MYH13: variants seen among roughly 807,000 people sequenced by gnomAD.
The protein encoded by MYH13 is myosin heavy chain 13, also known as myosin-13.
A neutral mutation model predicts 232.1 loss-of-function variants in MYH13; 177 were observed. That is an observed-to-expected ratio of 0.76 (90% CI 0.67 to 0.86). MYH13 has a LOEUF of 0.86. MYH13 is among the 40% of genes least tolerant of loss of function. The pLI, the probability that MYH13 is intolerant of heterozygous loss-of-function variation, is 0.00. For missense variants in MYH13, 2,246 were observed against 2,405.9 expected (o/e 0.93, Z 1.39); for synonymous variants, 884 against 923.5 (o/e 0.96, Z 0.78).
At chr17:10,335,172 GAC>G (rs950864273) in intron 18 of MYH13, among the ~76,000 whole-genome samples, 1 of 152,154 alleles carries the variant, frequency 6.6e-6, no homozygotes, top group African/African-American at 2.4e-5. Context: ...AGAATTCCAC[GAC>G]TGACCTCATG....
At chr17:10,349,084 CT>C (rs1288483858) in intron 12 of MYH13, among the ~76,000 whole-genome samples, 11 of 112,996 alleles carry the variant, frequency 9.7e-5, no homozygotes, top group African/African-American at 3.3e-4. Flanking sequence ...CCTTCTCCCC[CT>C]CTCTCTCTCT....
chr17:10,364,910 C>A (rs2142150321), intron 2 of MYH13, among the ~76,000 whole-genome samples: 1 of 152,080 alleles, frequency 6.6e-6, no homozygotes, highest in African/African-American at 2.4e-5. Context: ...AGTTTTGCTC[C>A]TGTCACCCAG....
At chr17:10,368,838 C>T (rs1352880456) in intron 2 of MYH13, among the ~76,000 whole-genome samples, 2 of 152,186 alleles carry the variant, frequency 1.3e-5, no homozygotes, top group East Asian at 3.8e-4. Context: ...TGTAGCTTGA[C>T]TTAGCGTTAA....
At chr17:10,309,208 C>T in intron 35 of MYH13, 26 bp downstream of exon 35, 1 of 1,606,510 alleles carries the variant, frequency 6.2e-7, no homozygotes, top group Non-Finnish European at 8.5e-7. Context: ...GGTGGACCTT[C>T]AGCGGAGGAG....
In MYH13 at chr17:10,304,445, T is replaced by C. The variant is rs73977111; in HGVS notation, c.5467-947A>G. Among the ~76,000 whole-genome samples the C allele has an allele frequency of 0.087, 13,234 of 152,300 alleles. 754 individuals carry two copies. Among genetic ancestry groups the C allele is most frequent in the East Asian group, 0.3 (1,543 of 5,168 alleles). On this transcript the variant is annotated intron_variant, in intron 37 of 40. Coordinates refer to ENST00000252172, the MANE Select transcript of MYH13 (RefSeq NM_003802.3). This position sits in a 1 kb window ranked among gnomAD's most constrained non-coding sequence, Gnocchi z 5.3. Reference sequence around the variant, plus strand: ...GGTCAGGATTTGCTTAGATGCTCCCTTTTGTGGAGCCAGGTCGTTTGGCAA... The same window carrying C: ...GGTCAGGATTTGCTTAGATGCTCCCCTTTGTGGAGCCAGGTCGTTTGGCAA...
Position 10,309,301 on chromosome 17 carries a change from C to T in MYH13, c.5102G>A (p.Arg1701Gln), listed in dbSNP as rs374764673. The T allele has an allele frequency of 5.6e-6, 9 of 1,613,972 alleles. No homozygotes were observed. Among genetic ancestry groups the T allele is most frequent in the East Asian group, 4.5e-5 (2 of 44,882 alleles). Residue 1701 changes from arginine (R) to glutamine (Q), a missense_variant, in exon 35 of 41, where the codon CGG becomes CAG. Transcript: ENST00000252172. The part of the protein sequence containing the change: ...EMKVALEQTE[R>Q]TRRLSEQELL... ...CTCCTGCTCTGACAGCCTGCGGGTC[C>T]GCTCCGTCTGTTCCAGGGCCACCTT... is the stretch of plus-strand genomic sequence containing the variant.
chr17:10,313,485 A>G (rs776844711), intron 29 of MYH13, 131 bp from the exon 30 acceptor site: 105 of 1,363,012 alleles, frequency 7.7e-5, no homozygotes, highest in Non-Finnish European at 9.4e-5. Flanking sequence ...CCATATCAGC[A>G]TATCACCTGG....
At chr17:10,313,382 A>T (rs777104376) in intron 29 of MYH13, 28 bp from the exon 30 acceptor site, 1 of 1,614,030 alleles carries the variant, frequency 6.2e-7, no homozygotes, top group Non-Finnish European at 8.5e-7. Flanking sequence ...GACAAATTGC[A>T]AAAACATTTG....
At chr17:10,333,776 C>T (rs34864115) in intron 18 of MYH13, among the ~76,000 whole-genome samples, 21,320 of 152,062 alleles carry the variant, frequency 0.14, 2,013 homozygotes, top group Non-Finnish European at 0.21. Flanking sequence ...GATGTGGTGG[C>T]ACACACTTGT....
At chr17:10,370,467 C>T (rs1480564454) in intron 2 of MYH13, among the ~76,000 whole-genome samples, 2 of 152,204 alleles carry the variant, frequency 1.3e-5, no homozygotes, top group Non-Finnish European at 2.9e-5. Context: ...CTGCTTCCAA[C>T]GTTGCATAGC....
At chr17:10,309,948 T>TA in intron 33 of MYH13, 118 bp from the exon 34 acceptor site, 2 of 658,978 alleles carry the variant, frequency 3.0e-6, no homozygotes, top group Non-Finnish European at 4.2e-6. Flanking sequence ...AAATTTAAAT[T>TA]TTTTTTTTTT....
chr17:10,328,268 G>C, intron 21 of MYH13, 147 bp from the exon 22 acceptor site: 1 of 868,046 alleles, frequency 1.2e-6, no homozygotes, highest in Non-Finnish European at 1.8e-6. Context: ...TCTGGATCCA[G>C]AGTAGGTCTG....
At position 10,303,413 on chromosome 17, in the gene MYH13, A is replaced by T; in HGVS notation, c.5552T>A (p.Val1851Asp). Reference protein sequence around the residue: ...LKGAHKYERKVKEMTYQAEED... With the variant: ...LKGAHKYERKDKEMTYQAEED... Reference sequence around the variant, plus strand: ...CCCTACCTGGTAAGTCATCTCCTTGACTTTGCGTTCGTACTTGTGGGCTCC... The same window carrying T: ...CCCTACCTGGTAAGTCATCTCCTTGTCTTTGCGTTCGTACTTGTGGGCTCC... Residue 1851 changes from valine (V) to aspartate (D), a missense_variant, in exon 38 of 41, where the codon GTC (valine) becomes GAC (aspartate). Coordinates refer to ENST00000252172, the MANE Select transcript of MYH13 (RefSeq NM_003802.3). 1 of 1,613,770 alleles carries T rather than the reference A, an allele frequency of 6.2e-7. No individual in the cohort carries two copies. Among genetic ancestry groups the T allele is most frequent in the Non-Finnish European group, 8.5e-7 (1 of 1,179,842 alleles).
chr17:10,326,637 A>AT lies in MYH13; in HGVS notation c.2691+1228dup, dbSNP rs60345675. Among the ~76,000 whole-genome samples the AT allele has an allele frequency of 3.2e-3, 462 of 146,064 alleles. 18 individuals are homozygous for AT. In the East Asian group the frequency reaches 0.062, roughly 20 times the overall value. On this transcript the variant is annotated intron_variant, in intron 22 of 40. Transcript: ENST00000252172. ...CAGCGTGTGCCACCACACCTGGCTAATTTTTTTTTTTTTGTATTTTTAGTA... is the reference window on the plus strand; with the variant it reads ...CAGCGTGTGCCACCACACCTGGCTAATTTTTTTTTTTTTTGTATTTTTAGTA...
Position 10,358,611 on chromosome 17 carries a change from A to G in MYH13, c.646-784T>C, listed in dbSNP as rs575287540. 5.7e-4 allele frequency among the ~76,000 whole-genome samples: 87 copies of G among 152,156 alleles called. 1 individual carries two copies. The highest frequency in any genetic ancestry group is 2.0e-3 in the African/African-American group (83 of 41,502). On this transcript the variant is annotated intron_variant, in intron 7 of 40. Coordinates refer to ENST00000252172, the MANE Select transcript of MYH13 (RefSeq NM_003802.3). Reference sequence around the variant, plus strand: ...CATCTCTACAAAAAATTAAAAAAAAACTAGCCAGGCATGGTGGTTCCTGTA... The same window carrying G: ...CATCTCTACAAAAAATTAAAAAAAAGCTAGCCAGGCATGGTGGTTCCTGTA...
At position 10,312,762 on chromosome 17, in the gene MYH13, G is replaced by T; in HGVS notation, c.4182-5C>A. 1.2e-6 allele frequency: 2 copies of T among 1,600,134 alleles called. No individual in the cohort carries two copies. The highest frequency in any genetic ancestry group is 1.7e-6 in the Non-Finnish European group (2 of 1,175,498). ...AGCCTCTGGGCCAGTTTTTTCCTAC[G>T]AAAACCAGATTTTTTTTTTCCCCTT... On this transcript the variant is annotated splice_region_variant and splice_polypyrimidine_tract_variant and intron_variant, in intron 30 of 40. Coordinates refer to ENST00000252172, the MANE Select transcript of MYH13 (RefSeq NM_003802.3).
At chr17:10,315,247 A>C (rs556248836) in intron 29 of MYH13, among the ~76,000 whole-genome samples, 1 of 152,318 alleles carries the variant, frequency 6.6e-6, no homozygotes, top group African/African-American at 2.4e-5. Flanking sequence ...CTAACCTTAA[A>C]GGACAGGTTC....
chr17:10,332,018 G>A (rs945654615), intron 20 of MYH13, 81 bp downstream of exon 20: 153 of 1,565,446 alleles, frequency 9.8e-5, no homozygotes, highest in Non-Finnish European at 1.3e-4. Context: ...AAAAGGAGAA[G>A]GGGACCCTTT....
chr17:10,320,866 A>G (rs1424363151), intron 24 of MYH13, among the ~76,000 whole-genome samples: 1 of 152,204 alleles, frequency 6.6e-6, no homozygotes, highest in Non-Finnish European at 1.5e-5. Context: ...GCTACACACC[A>G]TCACGCCTTG....
Sources: gnomAD v4.1 joint callset for allele counts (sites outside exome capture counted in the v4.1 genomes callset) on GRCh38, gnomAD v4.1.1 for gene constraint, Gnocchi (gnomAD v3.1) non-coding constraint, MANE v1.5 for transcripts, NCBI Gene and HGNC (gene_info 2026-07-23, HGNC 2026-07-21) for gene names.